RBFOX1: variants seen among roughly 807,000 people sequenced by gnomAD.
RBFOX1 encodes RNA binding fox-1 homolog 1.
RBFOX1 carries 8 observed loss-of-function variants against 57.7 expected under a neutral mutation model. That is an observed-to-expected ratio of 0.14 (90% CI 0.08 to 0.25). The LOEUF (loss-of-function observed/expected upper bound fraction) is 0.25. Ranked by LOEUF, RBFOX1 falls within the 10% of genes least tolerant of loss-of-function variation. The pLI is 1.00. For missense variants in RBFOX1, 611 were observed against 548.5 expected (o/e 1.11, Z -1.14); for synonymous variants, 326 against 222.4 (o/e 1.47, Z -4.15).
intron 3 of RBFOX1, among the ~76,000 whole-genome samples, chr16:6,845,116 G>T (rs1000956333): frequency 6.7e-6 from 1 of 149,536 alleles, no homozygotes; most frequent in African/African-American, 2.5e-5. Context: ...AACATTGTCT[G>T]CCATTCTGTG....
intron 3 of RBFOX1, among the ~76,000 whole-genome samples, chr16:5,732,322 T>G (rs980441422): frequency 2.6e-5 from 4 of 152,232 alleles, no homozygotes; most frequent in African/African-American, 7.2e-5. Flanking sequence ...GGAACGTACC[T>G]TCTTCATTAA....
At chr16:6,487,724 T>C (rs1288890044) in intron 2 of RBFOX1, among the ~76,000 whole-genome samples, 2 of 21,726 alleles carry the variant, frequency 9.2e-5, no homozygotes, top group Admixed American at 1.5e-3. Flanking sequence ...TATATATATA[T>C]ATATATATAT....
At chr16:7,564,474 G>A (rs576733980) in intron 5 of RBFOX1, among the ~76,000 whole-genome samples, 2 of 142,598 alleles carry the variant, frequency 1.4e-5, no homozygotes, top group African/African-American at 5.3e-5. Flanking sequence ...CTGGGAGGCG[G>A]AGCTTGCACT....
intron 1 of RBFOX1, among the ~76,000 whole-genome samples, chr16:6,059,888 G>C (rs953035323): frequency 2.0e-5 from 3 of 152,086 alleles, no homozygotes; most frequent in Non-Finnish European, 4.4e-5. Context: ...GACTTGATGA[G>C]AGAATAAAGG....
rs771443037 is a variant in RBFOX1 at position 7,597,359 on chromosome 16, C to T, written c.562-12C>T. 105 of 1,598,810 alleles carry T rather than the reference C, an allele frequency of 6.6e-5. No individual in the cohort carries two copies. The highest frequency in any genetic ancestry group is 8.4e-5 in the Non-Finnish European group (98 of 1,170,860). ...TAGAATATGTGCTTACTTGAGTTTT[C>T]TATGTACATAGGTAAATAATGCCAC... On this transcript the variant is annotated splice_polypyrimidine_tract_variant and intron_variant, in intron 8 of 15. Coordinates refer to ENST00000550418, the MANE Select transcript of RBFOX1 (RefSeq NM_018723.4).
At chr16:6,784,346 C>A (rs944082242) in intron 3 of RBFOX1, among the ~76,000 whole-genome samples, 16 of 152,032 alleles carry the variant, frequency 1.1e-4, no homozygotes, top group African/African-American at 3.6e-4. Flanking sequence ...TTCAAATAGC[C>A]TCTCTTTGAG....
Position 6,575,080 on chromosome 16 carries a change from A to G in RBFOX1, c.-63-79523A>G, listed in dbSNP as rs915771529. Among the ~76,000 whole-genome samples, 12 of 151,016 alleles carry G rather than the reference A, an allele frequency of 7.9e-5. No individual in the cohort carries two copies. In the South Asian group the frequency reaches 1.3e-3, roughly 16 times the overall value. On this transcript the variant is annotated intron_variant, in intron 2 of 15. Coordinates refer to ENST00000550418, the MANE Select transcript of RBFOX1 (RefSeq NM_018723.4). ...AAAAAAAACAGCATCCAGGAATGCT[A>G]TCGTGTAGTTGCTTTGAGACATGGC...
chr16:5,701,067 C>G (rs1428273928), intron 3 of RBFOX1, among the ~76,000 whole-genome samples: 1 of 152,174 alleles, frequency 6.6e-6, no homozygotes, highest in South Asian at 2.1e-4. Context: ...CTTTTAATAG[C>G]CTCTCATCCC....
chr16:7,172,474 T>G (rs1051668010), intron 4 of RBFOX1, among the ~76,000 whole-genome samples: 1 of 152,202 alleles, frequency 6.6e-6, no homozygotes, highest in East Asian at 1.9e-4. Flanking sequence ...AACCACCCTT[T>G]GATCCCCAGC....
chr16:6,633,529 A>C (rs1314096785), intron 2 of RBFOX1, among the ~76,000 whole-genome samples: 1 of 152,094 alleles, frequency 6.6e-6, no homozygotes, highest in Non-Finnish European at 1.5e-5. Context: ...CCTGGCCTCA[A>C]GTGATCCCCC....
chr16:5,751,621 C>T (rs565371416), intron 3 of RBFOX1, among the ~76,000 whole-genome samples: 2 of 152,270 alleles, frequency 1.3e-5, no homozygotes, highest in South Asian at 2.1e-4. Flanking sequence ...GAGAGCAGAA[C>T]CGCATCAGTC....
At chr16:5,833,515 A>AAG (rs1567602727) in intron 3 of RBFOX1, among the ~76,000 whole-genome samples, 1 of 150,590 alleles carries the variant, frequency 6.6e-6, no homozygotes, top group Non-Finnish European at 1.5e-5. Flanking sequence ...AAAAAAAAAA[A>AAG]GAAAGAAATC....
intron 4 of RBFOX1, among the ~76,000 whole-genome samples, chr16:7,473,734 C>T (rs2062035269): frequency 6.6e-6 from 1 of 152,030 alleles, no homozygotes; most frequent in African/African-American, 2.4e-5. Flanking sequence ...TACTAGTATG[C>T]TCCCTCCCCA....
intron 3 of RBFOX1, among the ~76,000 whole-genome samples, chr16:5,779,492 G>A (rs1474125910): frequency 6.6e-6 from 1 of 152,144 alleles, no homozygotes; most frequent in Non-Finnish European, 1.5e-5. Context: ...TTTATCTCAT[G>A]GTGTGGGGCC....
chr16:6,900,597 A>T (rs995679406), intron 3 of RBFOX1, among the ~76,000 whole-genome samples: 1 of 152,164 alleles, frequency 6.6e-6, no homozygotes, highest in East Asian at 1.9e-4. Flanking sequence ...AGTTTTAGCA[A>T]TGTGCTGAGT....
chr16:7,092,873 G>C (rs867987623), intron 4 of RBFOX1, among the ~76,000 whole-genome samples: 6 of 152,084 alleles, frequency 3.9e-5, no homozygotes, highest in South Asian at 2.1e-4. Context: ...TTTTCACAGT[G>C]ATTCTTCTTT....
chr16:6,858,967 A>T (rs112142182), intron 3 of RBFOX1, among the ~76,000 whole-genome samples: 2,769 of 151,522 alleles, frequency 0.018, 33 homozygotes, highest in South Asian at 0.032. Flanking sequence ...AGGTAGGTAA[A>T]AACACATGTA....
chr16:7,550,104 A>AT (rs140698498), intron 5 of RBFOX1, among the ~76,000 whole-genome samples: 6,868 of 151,818 alleles, frequency 0.045, 496 homozygotes, highest in African/African-American at 0.16. Context: ...TAATTTTTTA[A>AT]TTTTTTATAG....
intron 3 of RBFOX1, among the ~76,000 whole-genome samples, chr16:6,696,065 T>A (rs2060997103): frequency 6.6e-6 from 1 of 152,232 alleles, no homozygotes; most frequent in Admixed American, 6.5e-5. Flanking sequence ...TTGTTGTATC[T>A]AGAAAACTGT....
Sources: gnomAD v4.1 joint callset for allele counts (sites outside exome capture counted in the v4.1 genomes callset) on GRCh38, gnomAD v4.1.1 for gene constraint, MANE v1.5 for transcripts, NCBI Gene and HGNC (gene_info 2026-07-23, HGNC 2026-07-21) for gene names.